PXDNL: variants seen among roughly 807,000 people sequenced by gnomAD.
The protein encoded by PXDNL is probable oxidoreductase PXDNL.
Under a neutral mutation model 150.8 loss-of-function variants are expected in PXDNL, and 145 were observed. That is an observed-to-expected ratio of 0.96 (90% CI 0.84 to 1.10). The LOEUF (loss-of-function observed/expected upper bound fraction) is 1.10. PXDNL is among the 50% of genes least tolerant of loss of function. The pLI is 0.00. For synonymous variants in PXDNL, 757 were observed against 725.7 expected, an observed-to-expected ratio of 1.04 and a Z score of -0.69; for missense variants, 2,087 against 1,873.9, an observed-to-expected ratio of 1.11 and a Z score of -2.10.
intron 10 of PXDNL, 143 bp downstream of exon 10, chr8:51,453,376 G>A (rs1372506998): frequency 3.2e-6 from 3 of 927,298 alleles, no homozygotes; most frequent in Non-Finnish European, 4.8e-6. Flanking sequence ...AAACAGATTA[G>A]CTTTGAAAAT....
At chr8:51,707,704 C>T (rs1816409968) in intron 1 of PXDNL, among the ~76,000 whole-genome samples, 2 of 152,176 alleles carry the variant, frequency 1.3e-5, no homozygotes, top group African/African-American at 4.8e-5. Flanking sequence ...CCCTGGCAAC[C>T]ACCATTCTAT....
intron 19 of PXDNL, among the ~76,000 whole-genome samples, chr8:51,347,201 C>A (rs1806186897): frequency 3.3e-5 from 5 of 152,080 alleles, no homozygotes; most frequent in Admixed American, 3.3e-4. Context: ...TTCTGGGCAG[C>A]TAGCAAGTTA....
At chr8:51,803,641 A>C (rs2037644604) in intron 1 of PXDNL, among the ~76,000 whole-genome samples, 1 of 152,102 alleles carries the variant, frequency 6.6e-6, no homozygotes, top group Non-Finnish European at 1.5e-5. Context: ...CACAGCTGCA[A>C]GGGGGGCACA....
intron 19 of PXDNL, among the ~76,000 whole-genome samples, chr8:51,352,578 T>C (rs1806386129): frequency 6.6e-6 from 1 of 152,142 alleles, no homozygotes; most frequent in South Asian, 2.1e-4. Flanking sequence ...TTGCTCTCTC[T>C]TCCTCCCGCC....
rs1808562345 is a variant in PXDNL at position 51,409,475 on chromosome 8, T to C, written c.2149A>G (p.Asn717Asp). The change falls in exon 17 of 23, where the codon AAC becomes GAC. Residue 717 changes from asparagine to aspartate, a missense_variant. Asn to Asp is a conservative substitution (Grantham distance 23). Coordinates refer to ENST00000356297, the MANE Select transcript of PXDNL (RefSeq NM_144651.5). Reference protein sequence around the residue: ...SGCTARRPLPNCSNRCFHAKY... With the variant: ...SGCTARRPLPDCSNRCFHAKY... ...GCATGGAAACACCGGTTGGAGCAGT[T>C]TGGCAGAGGCCTGCGAGCTGTGCAT... 1 of 1,612,656 alleles carries C rather than the reference T, an allele frequency of 6.2e-7. No individual in the cohort carries two copies. Among genetic ancestry groups the C allele is most frequent in the Non-Finnish European group, 8.5e-7 (1 of 1,179,706 alleles).
chr8:51,530,683 G>A (rs111635506), intron 4 of PXDNL, among the ~76,000 whole-genome samples: 12,421 of 152,024 alleles, frequency 0.082, 839 homozygotes, highest in East Asian at 0.23. Context: ...TGGCCTCTGC[G>A]CTCACACTCT....
intron 1 of PXDNL, among the ~76,000 whole-genome samples, chr8:51,801,293 AC>A (rs2037617235): frequency 6.6e-6 from 1 of 151,814 alleles, no homozygotes; most frequent in Admixed American, 6.6e-5. Flanking sequence ...TTGAGGTCAG[AC>A]CAGTTCTCTG....
At chr8:51,476,818 T>C (rs1810489444) in intron 6 of PXDNL, among the ~76,000 whole-genome samples, 1 of 152,180 alleles carries the variant, frequency 6.6e-6, no homozygotes, top group African/African-American at 2.4e-5. Flanking sequence ...AGGTGTTAGA[T>C]TGCTTATACC....
intron 4 of PXDNL, among the ~76,000 whole-genome samples, chr8:51,520,023 C>G (rs1206057275): frequency 6.6e-6 from 1 of 152,148 alleles, no homozygotes; most frequent in East Asian, 1.9e-4. Flanking sequence ...GGAGGAGTTG[C>G]TGGCGTCCAA....
At chr8:51,468,465 C>T (rs1339742710) in intron 8 of PXDNL, among the ~76,000 whole-genome samples, 1 of 149,696 alleles carries the variant, frequency 6.7e-6, no homozygotes, top group Non-Finnish European at 1.5e-5. Flanking sequence ...GTTTACCTAT[C>T]GACTTTCCAC....
chr8:51,375,563 C>T (rs192356067), intron 17 of PXDNL, among the ~76,000 whole-genome samples: 8 of 152,334 alleles, frequency 5.3e-5, no homozygotes, highest in Non-Finnish European at 8.8e-5. Context: ...CTTTTTCTCA[C>T]TCAACAGTTT....
At chr8:51,541,750 C>T (rs1812221314) in intron 4 of PXDNL, among the ~76,000 whole-genome samples, 1 of 152,116 alleles carries the variant, frequency 6.6e-6, no homozygotes, top group Non-Finnish European at 1.5e-5. Context: ...CTTCTCTGTA[C>T]TTCAGCATGG....
intron 19 of PXDNL, among the ~76,000 whole-genome samples, chr8:51,355,954 G>C (rs913682510): frequency 6.6e-6 from 1 of 152,212 alleles, no homozygotes; most frequent in Non-Finnish European, 1.5e-5. Flanking sequence ...AAGAGATTTG[G>C]AGAAAATTAC....
chr8:51,793,201 A>T (rs1020965351), intron 1 of PXDNL, among the ~76,000 whole-genome samples: 69 of 152,232 alleles, frequency 4.5e-4, no homozygotes, highest in African/African-American at 1.6e-3. Context: ...TCTGGAGTGG[A>T]CCCCCAGGAA....
chr8:51,364,971 C>T (rs900700838), intron 19 of PXDNL, among the ~76,000 whole-genome samples: 2 of 152,016 alleles, frequency 1.3e-5, no homozygotes, highest in African/African-American at 2.4e-5. Flanking sequence ...GATGAAGTCT[C>T]GCTCTGTAGC....
At chr8:51,635,645 C>T (rs989318153) in intron 2 of PXDNL, among the ~76,000 whole-genome samples, 1 of 151,786 alleles carries the variant, frequency 6.6e-6, no homozygotes, top group Non-Finnish European at 1.5e-5. Flanking sequence ...ATTACAAAAA[C>T]TGTCTCAAAA....
chr8:51,513,161 G>C (rs190766840), intron 4 of PXDNL, among the ~76,000 whole-genome samples: 1 of 152,250 alleles, frequency 6.6e-6, no homozygotes, highest in East Asian at 1.9e-4. Context: ...GCAGAGGGGA[G>C]ATGAACAAGT....
chr8:51,795,051 G>T (rs2037547557), intron 1 of PXDNL, among the ~76,000 whole-genome samples: 1 of 152,048 alleles, frequency 6.6e-6, no homozygotes, highest in African/African-American at 2.4e-5. Context: ...ACAAAGAAGG[G>T]CATTACATAA....
intron 7 of PXDNL, among the ~76,000 whole-genome samples, chr8:51,472,693 A>C (rs949141485): frequency 7.9e-5 from 12 of 152,196 alleles, no homozygotes; most frequent in Admixed American, 4.6e-4. Context: ...CTAAGCACCC[A>C]ACCACCCACT....
Sources: gnomAD v4.1 joint callset for allele counts (sites outside exome capture counted in the v4.1 genomes callset) on GRCh38, gnomAD v4.1.1 for gene constraint, MANE v1.5 for transcripts, NCBI Gene and HGNC (gene_info 2026-07-23, HGNC 2026-07-21) for gene names.